EXOC2: variants seen among roughly 807,000 people sequenced by gnomAD.
EXOC2 encodes the protein SEC5-like 1.
In EXOC2, 70 loss-of-function variants were observed where a neutral mutation model predicts 131.8. That is an observed-to-expected ratio of 0.53 (90% CI 0.44 to 0.65). EXOC2 has a LOEUF of 0.65. Ranked by LOEUF, EXOC2 falls within the 30% of genes least tolerant of loss-of-function variation. The probability of loss-of-function intolerance (pLI) is 0.00; values close to 1 mark genes in which losing one functional copy is unlikely to be tolerated. For synonymous variants in EXOC2, 411 were observed against 398.4 expected, an observed-to-expected ratio of 1.03 and a Z score of -0.38; for missense variants, 923 against 1,108.6, an observed-to-expected ratio of 0.83 and a Z score of 2.38.
intron 4 of EXOC2, among the ~76,000 whole-genome samples, chr6:620,593 A>G (rs888385198): frequency 6.6e-6 from 1 of 152,186 alleles, no homozygotes; most frequent in African/African-American, 2.4e-5. Context: ...TCCTACCCCA[A>G]AAGAATTTTA....
chr6:562,564 A>G (rs1757756407), intron 17 of EXOC2, among the ~76,000 whole-genome samples: 1 of 152,250 alleles, frequency 6.6e-6, no homozygotes, highest in South Asian at 2.1e-4. Context: ...GTTATACAGG[A>G]TGAAAAAGGT....
At chr6:498,840 A>G (rs1763882973) in intron 24 of EXOC2, among the ~76,000 whole-genome samples, 1 of 152,156 alleles carries the variant, frequency 6.6e-6, no homozygotes, top group Non-Finnish European at 1.5e-5. Flanking sequence ...GGTGGAAACG[A>G]CTGAATGGTA....
intron 26 of EXOC2, among the ~76,000 whole-genome samples, chr6:489,673 T>C (rs1045996037): frequency 6.6e-5 from 10 of 152,192 alleles, no homozygotes; most frequent in African/African-American, 2.4e-4. Context: ...AAAAGCATCA[T>C]AGGGGAGACT....
chr6:508,815 T>C (rs981396716), intron 23 of EXOC2, among the ~76,000 whole-genome samples: 6 of 152,228 alleles, frequency 3.9e-5, no homozygotes, highest in Non-Finnish European at 8.8e-5. Flanking sequence ...ATGGATTATA[T>C]GGTAAGAGGA....
At chr6:658,646 TA>T in intron 1 of EXOC2, among the ~76,000 whole-genome samples, 2 of 35,380 alleles carry the variant, frequency 5.7e-5, no homozygotes, top group African/African-American at 1.6e-4. Flanking sequence ...ATATATATTT[TA>T]TATATATATA....
intron 11 of EXOC2, among the ~76,000 whole-genome samples, chr6:579,223 A>G (rs923689887): frequency 1.3e-5 from 2 of 152,214 alleles, no homozygotes; most frequent in Admixed American, 1.3e-4. Context: ...TGGTATTTTT[A>G]TAACTTTAAA....
intron 1 of EXOC2, among the ~76,000 whole-genome samples, chr6:638,865 G>C (rs927409265): frequency 3.3e-4 from 50 of 152,260 alleles, no homozygotes; most frequent in African/African-American, 1.1e-3. Flanking sequence ...GGAGGCGGAG[G>C]TTGCAGTGAG....
chr6:520,809 G>T (rs1398793644), intron 23 of EXOC2, among the ~76,000 whole-genome samples: 18 of 137,106 alleles, frequency 1.3e-4, no homozygotes, highest in Admixed American at 3.6e-4. Context: ...TCCACACTCG[G>T]AGATGAAAAC....
At chr6:553,389 A>AAG (rs1757251013) in intron 21 of EXOC2, among the ~76,000 whole-genome samples, 2 of 52,860 alleles carry the variant, frequency 3.8e-5, no homozygotes. Context: ...GTTTGTGTAT[A>AAG]AGTGTGTGTG....
At chr6:575,524 C>CGCTCCCTCTCCATCCTCTCCCTT (rs1561876841) in intron 12 of EXOC2, among the ~76,000 whole-genome samples, 2 of 152,142 alleles carry the variant, frequency 1.3e-5, no homozygotes, top group East Asian at 3.9e-4. Context: ...TCCTCTCCCT[C>CGCTCCCTCTCCATCCTCTCCCTT]GCTCCATCTC....
At chr6:487,422 T>C (rs9504053) in intron 27 of EXOC2, among the ~76,000 whole-genome samples, 38 of 152,188 alleles carry the variant, frequency 2.5e-4, no homozygotes, top group African/African-American at 8.9e-4. Context: ...TTTTTCTTTT[T>C]TTCAGATGGA....
In EXOC2 at chr6:656,508, A is replaced by AGGCAGTCCCGCC. The variant is rs754667998; in HGVS notation, c.-43-18659_-43-18648dup. On this transcript the variant is annotated intron_variant, in intron 1 of 27. Transcript: ENST00000230449. ...GTCGGAGGCGCGCAGGCTGGGCGGC[A>AGGCAGTCCCGCC]GGCAGTCCCGCCACACTCTCCTGGG... is the stretch of plus-strand genomic sequence containing the variant. 4 of 1,605,016 alleles carry AGGCAGTCCCGCC rather than the reference A, an allele frequency of 2.5e-6. No individual in the cohort carries two copies. The Admixed American group carries it at 5.0e-5, about 20-fold the overall frequency.
At chr6:495,834 T>C (rs756501368) in intron 25 of EXOC2, among the ~76,000 whole-genome samples, 6 of 152,184 alleles carry the variant, frequency 3.9e-5, no homozygotes, top group Non-Finnish European at 7.3e-5. Flanking sequence ...CTTTTGAAAA[T>C]CTAATTACAT....
In EXOC2 at chr6:537,591, T is replaced by G. The variant is rs1009303744; in HGVS notation, c.2239-4981A>C. On this transcript the variant is annotated intron_variant, in intron 22 of 27. Coordinates refer to ENST00000230449, the MANE Select transcript of EXOC2 (RefSeq NM_018303.6). ...CTTGTGCCACGACCAGCTATTGTAC[T>G]TCAAGGTTTATATCCAAGATCAGTG... is the stretch of plus-strand genomic sequence containing the variant. Among the ~76,000 whole-genome samples, 29 of 152,228 alleles carry G rather than the reference T, an allele frequency of 1.9e-4. 1 individual carries two copies. The highest frequency in any genetic ancestry group is 4.4e-5 in the Non-Finnish European group (3 of 68,038).
intron 1 of EXOC2, among the ~76,000 whole-genome samples, chr6:690,285 G>A (rs902372504): frequency 6.6e-6 from 1 of 152,164 alleles, no homozygotes; most frequent in African/African-American, 2.4e-5. Context: ...GAATCATGGC[G>A]CTCAAGGCTG....
intron 23 of EXOC2, among the ~76,000 whole-genome samples, chr6:520,809 GAGATGAAA>G (rs1765380860): frequency 1.5e-5 from 2 of 137,052 alleles, no homozygotes; most frequent in Admixed American, 7.2e-5. Context: ...TCCACACTCG[GAGATGAAA>G]ACCACCACCT....
chr6:647,607 T>G (rs1472537349), intron 1 of EXOC2, among the ~76,000 whole-genome samples: 7 of 120,836 alleles, frequency 5.8e-5, no homozygotes, highest in African/African-American at 1.2e-4. Context: ...TTTGTGAATG[T>G]GACCGCTCAC....
intron 1 of EXOC2, among the ~76,000 whole-genome samples, chr6:649,594 T>A (rs9504605): frequency 0.018 from 2,758 of 152,310 alleles, 85 homozygotes; most frequent in African/African-American, 0.061. Flanking sequence ...TGGACCCGAA[T>A]GGGGATAACC....
intron 26 of EXOC2, among the ~76,000 whole-genome samples, chr6:489,560 A>G (rs567313676): frequency 1.3e-5 from 2 of 152,224 alleles, no homozygotes; most frequent in African/African-American, 2.4e-5. Context: ...AATTCAATGT[A>G]AGTTCTTTAC....
Sources: allele counts gnomAD v4.1 joint callset (sites outside exome capture counted in the v4.1 genomes callset), GRCh38; gene constraint gnomAD v4.1.1; transcripts MANE v1.5; gene names NCBI Gene and HGNC (gene_info 2026-07-23, HGNC 2026-07-21).